SDC2: variants seen among roughly 807,000 people sequenced by gnomAD.
SDC2 encodes the protein syndecan 2.
SDC2 carries 13 observed loss-of-function variants against 22.2 expected under a neutral mutation model. The ratio of observed to expected loss-of-function variants is 0.59; its 90% CI spans 0.38 to 0.93. The LOEUF (loss-of-function observed/expected upper bound fraction) is 0.93, where lower values mean the gene tolerates loss of function less well. SDC2 is among the 40% of genes least tolerant of loss of function. SDC2 has a pLI of 0.00. For missense variants in SDC2, 235 were observed against 246.8 expected (o/e 0.95, Z 0.32); for synonymous variants, 94 against 92.8 (o/e 1.01, Z -0.07).
At chr8:96,577,527 T>C (rs1283826054) in intron 1 of SDC2, among the ~76,000 whole-genome samples, 1 of 152,156 alleles carries the variant, frequency 6.6e-6, no homozygotes, top group Non-Finnish European at 1.5e-5. Context: ...TACTAACATA[T>C]CTTGTATTAG....
intron 1 of SDC2, among the ~76,000 whole-genome samples, chr8:96,546,045 A>G (rs866580820): frequency 6.6e-6 from 1 of 152,216 alleles, no homozygotes; most frequent in African/African-American, 2.4e-5. Context: ...GACCGCTGAC[A>G]AAGGAGTTCA....
intron 1 of SDC2, among the ~76,000 whole-genome samples, chr8:96,519,492 G>C (rs1036459962): frequency 2.0e-5 from 3 of 151,912 alleles, no homozygotes; most frequent in African/African-American, 7.3e-5. Context: ...TTTCTGGGAA[G>C]GTTTAACAAA....
chr8:96,535,565 A>G (rs926781948), intron 1 of SDC2, among the ~76,000 whole-genome samples: 1 of 152,342 alleles, frequency 6.6e-6, no homozygotes, highest in African/African-American at 2.4e-5. Flanking sequence ...GAAAATGCCG[A>G]CAGGTTAATA....
intron 1 of SDC2, among the ~76,000 whole-genome samples, chr8:96,544,108 GA>G (rs1813894422): frequency 1.3e-5 from 2 of 152,266 alleles, no homozygotes; most frequent in African/African-American, 4.8e-5. Flanking sequence ...GTATATTTCA[GA>G]AAGAATTTTT....
In SDC2 at chr8:96,556,471, A is replaced by T. The variant is rs113650557; in HGVS notation, c.61-37009A>T. 8.3e-3 allele frequency among the ~76,000 whole-genome samples: 1,258 copies of T among 152,194 alleles called. 21 individuals carry two copies. Among genetic ancestry groups the T allele is most frequent in the African/African-American group, 0.029 (1,207 of 41,502 alleles). ...ACAGAGCCCTCAGAAATAACGCCGC[A>T]TATCTACAACTATCTGATCTTTGAC... On this transcript the variant is annotated intron_variant, in intron 1 of 4. Transcript: ENST00000302190.
intron 1 of SDC2, among the ~76,000 whole-genome samples, chr8:96,556,301 C>T (rs999778873): frequency 6.7e-6 from 1 of 149,574 alleles, no homozygotes; most frequent in Non-Finnish European, 1.5e-5. Flanking sequence ...TTTAGCTACT[C>T]CCCTCCCCCG....
At chr8:96,580,388 A>G (rs1487775810) in intron 1 of SDC2, 1 of 985,376 alleles carries the variant, frequency 1.0e-6, no homozygotes, top group Non-Finnish European at 1.2e-6. Flanking sequence ...AGGTATGTCC[A>G]GTCAAAGGGA....
intron 1 of SDC2, among the ~76,000 whole-genome samples, chr8:96,548,173 AG>A (rs1813966667): frequency 1.3e-5 from 2 of 152,250 alleles, no homozygotes; most frequent in Non-Finnish European, 2.9e-5. Context: ...ACTATTTGCT[AG>A]GTGGAGCAAT....
At chr8:96,585,302 C>T (rs114355992) in intron 1 of SDC2, among the ~76,000 whole-genome samples, 18 of 152,098 alleles carry the variant, frequency 1.2e-4, no homozygotes, top group Admixed American at 2.0e-4. Context: ...TAAAAATGTA[C>T]GAAATGTGTC....
At chr8:96,582,582 A>G (rs1814606773) in intron 1 of SDC2, among the ~76,000 whole-genome samples, 1 of 152,234 alleles carries the variant, frequency 6.6e-6, no homozygotes. Flanking sequence ...TTCTTCATTT[A>G]AAAAGTCCTC....
chr8:96,543,580 G>A (rs1445609976), intron 1 of SDC2, among the ~76,000 whole-genome samples: 1 of 152,154 alleles, frequency 6.6e-6, no homozygotes, highest in African/African-American at 2.4e-5. Context: ...CGGTGAAGGA[G>A]TTGTATCAAT....
chr8:96,578,209 A>G (rs1053499869), intron 1 of SDC2, among the ~76,000 whole-genome samples: 1 of 152,218 alleles, frequency 6.6e-6, no homozygotes, highest in African/African-American at 2.4e-5. Context: ...GGTGGCTTTG[A>G]TGTGTCCAGG....
chr8:96,602,664 T>C (rs1240458843), intron 3 of SDC2, 136 bp downstream of exon 3: 1 of 913,578 alleles, frequency 1.1e-6, no homozygotes, highest in Admixed American at 2.8e-5. Flanking sequence ...ACACAACAGT[T>C]CTTTTAAAAG....
chr8:96,591,777 A>G (rs1427956131), intron 1 of SDC2, among the ~76,000 whole-genome samples: 1 of 151,934 alleles, frequency 6.6e-6, no homozygotes, highest in Non-Finnish European at 1.5e-5. Context: ...CAGGACGGAG[A>G]ATGGCTTTTT....
Position 96,601,232 on chromosome 8 carries a change from A to G in SDC2, c.173-1163A>G, listed in dbSNP as rs532517058. Among the ~76,000 whole-genome samples, 12 of 152,324 alleles carry G rather than the reference A, an allele frequency of 7.9e-5. No homozygotes were observed. The South Asian group carries it at 2.5e-3, about 32-fold the overall frequency. ...TGGATACTGGTGACCTTAACAAAAC[A>G]GTATTAATAGTGATGACAGGGAAAA... On this transcript the variant is annotated intron_variant, in intron 2 of 4. Transcript: ENST00000302190.
intron 1 of SDC2, among the ~76,000 whole-genome samples, chr8:96,531,949 T>C (rs1179116992): frequency 1.3e-5 from 2 of 152,252 alleles, no homozygotes; most frequent in African/African-American, 4.8e-5. Context: ...GTTTGTAACA[T>C]CAGAGTGACT....
intron 1 of SDC2, among the ~76,000 whole-genome samples, chr8:96,505,995 C>T (rs375991155): frequency 1.4e-4 from 22 of 152,210 alleles, no homozygotes; most frequent in African/African-American, 3.1e-4. Context: ...GAATCTAGTT[C>T]GGCATTTGTA....
intron 1 of SDC2, among the ~76,000 whole-genome samples, chr8:96,561,869 A>G (rs937842666): frequency 1.3e-5 from 2 of 152,222 alleles, no homozygotes; most frequent in Admixed American, 1.3e-4. Flanking sequence ...CAACCTTTGG[A>G]TAACAGTCCT....
intron 1 of SDC2, among the ~76,000 whole-genome samples, chr8:96,495,679 CT>C (rs1352290065): frequency 4.6e-5 from 7 of 152,180 alleles, no homozygotes; most frequent in African/African-American, 1.7e-4. Context: ...CCCTCCCCCC[CT>C]TTTTTGTGCT....
Sources: allele counts gnomAD v4.1 joint callset (sites outside exome capture counted in the v4.1 genomes callset), GRCh38; gene constraint gnomAD v4.1.1; transcripts MANE v1.5; gene names NCBI Gene and HGNC (gene_info 2026-07-23, HGNC 2026-07-21).